ADCY2: variants seen among roughly 807,000 people sequenced by gnomAD.
The protein encoded by ADCY2 is adenylate cyclase type 2.
A neutral mutation model predicts 125.2 loss-of-function variants in ADCY2; 31 were observed. The observed-to-expected ratio is 0.25, with a 90% CI of 0.19 to 0.33. The LOEUF (loss-of-function observed/expected upper bound fraction) is 0.33, where lower values mean the gene tolerates loss of function less well. Ranked by LOEUF, ADCY2 falls within the 10% of genes least tolerant of loss-of-function variation. The pLI, the probability that ADCY2 is intolerant of heterozygous loss-of-function variation, is 1.00. For synonymous variants in ADCY2, 512 were observed against 548.4 expected (o/e 0.93, Z 0.93); for missense variants, 904 against 1,418.2 (o/e 0.64, Z 5.82).
intron 4 of ADCY2, among the ~76,000 whole-genome samples, chr5:7,627,130 C>T (rs1035413630): frequency 2.6e-5 from 4 of 152,274 alleles, no homozygotes; most frequent in Admixed American, 2.6e-4. Context: ...GCACTTCCTA[C>T]AGCGCCTGTT....
chr5:7,452,003 C>T (rs1741489905), intron 2 of ADCY2, among the ~76,000 whole-genome samples: 2 of 152,164 alleles, frequency 1.3e-5, no homozygotes, highest in Admixed American at 1.3e-4. Flanking sequence ...GTCCGCCTCC[C>T]AGGTTCAAGC....
intron 4 of ADCY2, among the ~76,000 whole-genome samples, chr5:7,651,955 A>AC (rs1739109551): frequency 6.6e-6 from 1 of 152,048 alleles, no homozygotes; most frequent in African/African-American, 2.4e-5. Context: ...GGTGCACACT[A>AC]CCATGACCAG....
At chr5:7,649,070 C>A (rs972528363) in intron 4 of ADCY2, among the ~76,000 whole-genome samples, 5 of 152,102 alleles carry the variant, frequency 3.3e-5, no homozygotes, top group African/African-American at 4.8e-5. Flanking sequence ...TTTCTTTGTT[C>A]TTTTTTCTAA....
rs1180057603 is a variant in ADCY2, at chr5:7,732,848, T to C, written c.1871+5587T>C. 3.9e-5 allele frequency among the ~76,000 whole-genome samples: 6 copies of C among 152,326 alleles called. No individual in the cohort carries two copies. The East Asian group carries it at 5.8e-4, about 15-fold the overall frequency. On this transcript the variant is annotated intron_variant, in intron 14 of 24. Coordinates refer to ENST00000338316, the MANE Select transcript of ADCY2 (RefSeq NM_020546.3). ...CCTGAAAGGGAGCCCAACATGATCC[T>C]TATTCAGCCTATAATCATTGAATCT...
chr5:7,561,943 A>T (rs1421935939), intron 3 of ADCY2, among the ~76,000 whole-genome samples: 1 of 152,198 alleles, frequency 6.6e-6, no homozygotes, highest in Non-Finnish European at 1.5e-5. Flanking sequence ...GGAATATCGT[A>T]TTGCACATTT....
At chr5:7,636,286 T>G (rs1231929763) in intron 4 of ADCY2, among the ~76,000 whole-genome samples, 1 of 151,976 alleles carries the variant, frequency 6.6e-6, no homozygotes, top group African/African-American at 2.4e-5. Context: ...AGGTGCAGAA[T>G]GAGAGAGAGA....
intron 3 of ADCY2, among the ~76,000 whole-genome samples, chr5:7,564,905 A>C (rs1735840869): frequency 6.6e-6 from 1 of 152,266 alleles, no homozygotes; most frequent in Non-Finnish European, 1.5e-5. Context: ...ATGAAAAAGC[A>C]TCATCGGAGA....
intron 4 of ADCY2, among the ~76,000 whole-genome samples, chr5:7,672,732 A>G (rs1028253714): frequency 7.2e-5 from 11 of 152,222 alleles, no homozygotes; most frequent in Non-Finnish European, 1.6e-4. Flanking sequence ...TTTATTTTTC[A>G]CAAATCAAGT....
At chr5:7,700,861 G>T (rs1287335628) in intron 7 of ADCY2, among the ~76,000 whole-genome samples, 1 of 151,962 alleles carries the variant, frequency 6.6e-6, no homozygotes, top group East Asian at 1.9e-4. Context: ...GGAGGGAAAT[G>T]AAGTCAATGA....
chr5:7,804,593 C>G lies in ADCY2; in HGVS notation c.2784C>G (p.Ser928=), dbSNP rs148142196. 0.011 allele frequency: 17,330 copies of G among 1,613,862 alleles called. 131 individuals carry two copies. The highest frequency in any genetic ancestry group is 0.013 in the Non-Finnish European group (15,260 of 1,179,758). The change falls in exon 22 of 25, where the codon TCC becomes TCG. Residue 928 remains serine, a synonymous_variant. Transcript: ENST00000338316. The stretch of plus-strand genomic sequence containing the variant: ...TTGTCATTGCTTCACAGCTTCTTTC[C>G]AAGCCAAAATTCAGTGGAGTTGAAA... ...EIIADFDDLL[S]KPKFSGVEKI... is the part of the protein sequence containing the mutation.
chr5:7,561,117 T>C (rs1735694941), intron 3 of ADCY2, among the ~76,000 whole-genome samples: 1 of 152,258 alleles, frequency 6.6e-6, no homozygotes, highest in Non-Finnish European at 1.5e-5. Flanking sequence ...AGACACATGC[T>C]TGCATGCTTG....
chr5:7,748,788 A>G (rs1742714660), intron 15 of ADCY2, among the ~76,000 whole-genome samples: 1 of 152,134 alleles, frequency 6.6e-6, no homozygotes, highest in African/African-American at 2.4e-5. Flanking sequence ...AAAAATACCT[A>G]CTTACTCTGC....
At chr5:7,759,669 C>A (rs964079549) in intron 16 of ADCY2, among the ~76,000 whole-genome samples, 2 of 152,190 alleles carry the variant, frequency 1.3e-5, no homozygotes, top group African/African-American at 2.4e-5. Flanking sequence ...AGGTCTCAGG[C>A]GTGCCTGGAT....
In ADCY2 at chr5:7,501,652, C is replaced by T. The variant is rs796973171; in HGVS notation, c.409-19086C>T. ...AAAGAATGAGATTCCCCCCTCCCCC[C>T]CCCCCCGCCAGTAACTTCAAGTTAT... On this transcript the variant is annotated intron_variant, in intron 2 of 24. Transcript: ENST00000338316. 6.7e-5 allele frequency among the ~76,000 whole-genome samples: 7 copies of T among 103,816 alleles called. 1 individual carries two copies. The highest frequency in any genetic ancestry group is 4.6e-4 in the Admixed American group (5 of 10,974). 68.1% of individuals were successfully genotyped at this position (103,816 alleles called of 152,430 possible).
At chr5:7,751,928 G>C (rs1046261915) in intron 15 of ADCY2, among the ~76,000 whole-genome samples, 2 of 152,092 alleles carry the variant, frequency 1.3e-5, no homozygotes, top group Non-Finnish European at 2.9e-5. Context: ...ATTAAAAATA[G>C]TAAACAGAAT....
intron 4 of ADCY2, among the ~76,000 whole-genome samples, chr5:7,662,024 A>G (rs1440088237): frequency 6.6e-6 from 1 of 152,178 alleles, no homozygotes; most frequent in Non-Finnish European, 1.5e-5. Flanking sequence ...TGTGCAAGGT[A>G]ACATATACAC....
intron 2 of ADCY2, among the ~76,000 whole-genome samples, chr5:7,503,689 A>G (rs779082933): frequency 6.6e-6 from 1 of 152,198 alleles, no homozygotes; most frequent in East Asian, 1.9e-4. Context: ...GACTATTAAC[A>G]TAGAGAGGAA....
chr5:7,566,444 T>TA (rs1735895818), intron 3 of ADCY2, among the ~76,000 whole-genome samples: 1 of 152,002 alleles, frequency 6.6e-6, no homozygotes, highest in African/African-American at 2.4e-5. Context: ...TCCAGTGAGA[T>TA]ACGATCGAGC....
intron 4 of ADCY2, among the ~76,000 whole-genome samples, chr5:7,660,297 A>G (rs531990077): frequency 3.9e-4 from 58 of 148,196 alleles, no homozygotes; most frequent in African/African-American, 1.4e-3. Context: ...GGAAGGAAGG[A>G]AGGACTGTGA....
Sources: gnomAD v4.1 joint callset for allele counts (sites outside exome capture counted in the v4.1 genomes callset) on GRCh38, gnomAD v4.1.1 for gene constraint, MANE v1.5 for transcripts, NCBI Gene and HGNC (gene_info 2026-07-23, HGNC 2026-07-21) for gene names.